COLEC12: variants seen among roughly 807,000 people sequenced by gnomAD.
COLEC12 encodes the protein collectin-12.
A neutral mutation model predicts 71.1 loss-of-function variants in COLEC12; 33 were observed. The ratio of observed to expected loss-of-function variants is 0.46; its 90% CI spans 0.35 to 0.62. The LOEUF is 0.62. Among genes scored for constraint, COLEC12 ranks in the 20% least tolerant of loss-of-function variants. The probability of loss-of-function intolerance (pLI) is 0.00; values close to 1 mark genes in which losing one functional copy is unlikely to be tolerated. For synonymous variants in COLEC12, 350 were observed against 353.0 expected, an observed-to-expected ratio of 0.99 and a Z score of 0.10; for missense variants, 765 against 916.1, an observed-to-expected ratio of 0.84 and a Z score of 2.13.
intron 2 of COLEC12, among the ~76,000 whole-genome samples, chr18:410,556 A>G (rs561886053): frequency 7.2e-5 from 11 of 152,044 alleles, no homozygotes; most frequent in Admixed American, 2.0e-4. Context: ...CCCCTGCCTC[A>G]GCCACCCGAG....
At chr18:482,943 A>G (rs1917451731) in intron 1 of COLEC12, among the ~76,000 whole-genome samples, 2 of 152,176 alleles carry the variant, frequency 1.3e-5, no homozygotes, top group African/African-American at 4.8e-5. Flanking sequence ...AGAGGCATAT[A>G]GGGGAAATGA....
intron 2 of COLEC12, among the ~76,000 whole-genome samples, chr18:470,926 T>C (rs183344001): frequency 6.6e-6 from 1 of 152,358 alleles, no homozygotes; most frequent in East Asian, 1.9e-4. Context: ...GAGAACGACA[T>C]GTTAGAAAGG....
chr18:476,827 C>T (rs543405662), intron 2 of COLEC12, among the ~76,000 whole-genome samples: 1 of 152,342 alleles, frequency 6.6e-6, no homozygotes, highest in South Asian at 2.1e-4. Flanking sequence ...AGAAAATGAA[C>T]TCTGCCAAAT....
chr18:344,700 C>T (rs1365933414), intron 5 of COLEC12, among the ~76,000 whole-genome samples: 1 of 152,232 alleles, frequency 6.6e-6, no homozygotes, highest in Admixed American at 6.5e-5. Context: ...GCTTCATGCA[C>T]ACTTCCTTCC....
rs1913882087 is a variant in COLEC12 at position 327,911 on chromosome 18, T to C, written c.2063+3757A>G. Among the ~76,000 whole-genome samples, 1 of 152,242 alleles carries C rather than the reference T, an allele frequency of 6.6e-6. No homozygotes were observed. Among genetic ancestry groups the C allele is most frequent in the Admixed American group, 6.5e-5 (1 of 15,284 alleles). ...TTGGTAGAATTTGGCTGTGAAGCCATCTGGTCCTGGGCTTATCTTTCTGGG... is the reference window on the plus strand; with the variant it reads ...TTGGTAGAATTTGGCTGTGAAGCCACCTGGTCCTGGGCTTATCTTTCTGGG... On this transcript the variant is annotated intron_variant, in intron 8 of 9. Coordinates refer to ENST00000400256, the MANE Select transcript of COLEC12 (RefSeq NM_130386.3). This position sits in a 1 kb window ranked among gnomAD's most constrained non-coding sequence, Gnocchi z 4.0.
chr18:466,690 G>C (rs1336108124), intron 2 of COLEC12, among the ~76,000 whole-genome samples: 1 of 152,166 alleles, frequency 6.6e-6, no homozygotes, highest in Non-Finnish European at 1.5e-5. Context: ...ATTGTTCCAG[G>C]TACAGTGGTG....
rs897429194 is a variant in COLEC12 at position 500,256 on chromosome 18, C to T, written c.7+252G>A. On this transcript the variant is annotated intron_variant, in intron 1 of 9. Transcript: ENST00000400256. This position sits in a 1 kb window ranked among gnomAD's most constrained non-coding sequence, Gnocchi z 5.3. Reference sequence around the variant, plus strand: ...AACAACGACTTAGGGCTTCAAACTACTTGCAAAGACGCGATGGGGAGGGGA... The same window carrying T: ...AACAACGACTTAGGGCTTCAAACTATTTGCAAAGACGCGATGGGGAGGGGA... 7.2e-4 allele frequency among the ~76,000 whole-genome samples: 110 copies of T among 152,304 alleles called. 2 individuals are homozygous for T. The highest frequency in any genetic ancestry group is 2.5e-3 in the African/African-American group (105 of 41,588).
chr18:332,479 G>A (rs1914006501), intron 7 of COLEC12, among the ~76,000 whole-genome samples: 1 of 152,188 alleles, frequency 6.6e-6, no homozygotes, highest in Non-Finnish European at 1.5e-5. Flanking sequence ...GCCGTCAAAT[G>A]AGGGTAATAA....
At chr18:398,973 A>G (rs1202220112) in intron 2 of COLEC12, among the ~76,000 whole-genome samples, 1 of 152,234 alleles carries the variant, frequency 6.6e-6, no homozygotes, top group Admixed American at 6.5e-5. Flanking sequence ...GCAGGTCTAT[A>G]TGTAGTATCC....
intron 2 of COLEC12, among the ~76,000 whole-genome samples, chr18:359,415 C>T (rs926394931): frequency 2.0e-4 from 30 of 152,138 alleles, no homozygotes; most frequent in African/African-American, 6.8e-4. Context: ...ACAAATTTTG[C>T]ATATTACATG....
intron 2 of COLEC12, among the ~76,000 whole-genome samples, chr18:432,463 A>G (rs1227221895): frequency 6.6e-6 from 1 of 152,196 alleles, no homozygotes; most frequent in Non-Finnish European, 1.5e-5. Context: ...CAATTTCTTT[A>G]TACAAAAACT....
At chr18:477,852 T>C (rs774808742) in intron 2 of COLEC12, among the ~76,000 whole-genome samples, 1 of 152,192 alleles carries the variant, frequency 6.6e-6, no homozygotes, top group Non-Finnish European at 1.5e-5. Flanking sequence ...GGGCAGGACC[T>C]AGAGGGTTGA....
chr18:402,846 T>C (rs771026076), intron 2 of COLEC12, among the ~76,000 whole-genome samples: 6 of 152,220 alleles, frequency 3.9e-5, no homozygotes, highest in Non-Finnish European at 7.4e-5. Context: ...CTGAAGCGTC[T>C]CTCAGGAAGA....
intron 1 of COLEC12, among the ~76,000 whole-genome samples, chr18:499,118 G>A (rs1917768854): frequency 6.6e-6 from 1 of 152,316 alleles, no homozygotes; most frequent in African/African-American, 2.4e-5. Flanking sequence ...TTTCTAGGGA[G>A]TCTCCTCAAT....
At chr18:454,102 T>C (rs959832042) in intron 2 of COLEC12, among the ~76,000 whole-genome samples, 1 of 152,186 alleles carries the variant, frequency 6.6e-6, no homozygotes, top group African/African-American at 2.4e-5. Flanking sequence ...TCTGAAGGCT[T>C]TCCATAGACT....
intron 2 of COLEC12, among the ~76,000 whole-genome samples, chr18:390,921 G>A (rs1915450072): frequency 6.6e-6 from 1 of 152,170 alleles, no homozygotes; most frequent in African/African-American, 2.4e-5. Flanking sequence ...TTGCCTGTGG[G>A]ACAGACATCG....
chr18:461,859 G>A (rs1916989773), intron 2 of COLEC12, among the ~76,000 whole-genome samples: 1 of 152,078 alleles, frequency 6.6e-6, no homozygotes, highest in Non-Finnish European at 1.5e-5. Flanking sequence ...TCATATAACA[G>A]GAACTTAGGG....
At chr18:369,630 G>T (rs919190774) in intron 2 of COLEC12, among the ~76,000 whole-genome samples, 1 of 151,778 alleles carries the variant, frequency 6.6e-6, no homozygotes, top group Admixed American at 6.6e-5. Flanking sequence ...TAAATGTTTT[G>T]AATTCAAAAT....
intron 5 of COLEC12, among the ~76,000 whole-genome samples, chr18:335,820 T>C (rs1914107720): frequency 6.6e-6 from 1 of 152,218 alleles, no homozygotes; most frequent in Non-Finnish European, 1.5e-5. Context: ...TTCAAGCTTT[T>C]AGAATGTATT....
Sources: allele counts gnomAD v4.1 joint callset (sites outside exome capture counted in the v4.1 genomes callset), GRCh38; gene constraint gnomAD v4.1.1; non-coding constraint Gnocchi (gnomAD v3.1); transcripts MANE v1.5; gene names NCBI Gene and HGNC (gene_info 2026-07-23, HGNC 2026-07-21).